Variants in FOXO3 observed in about 807,000 individuals in gnomAD.
FOXO3 encodes the protein forkhead box O3, also known as forkhead box protein O3.
FOXO3 carries 4 observed loss-of-function variants against 41.9 expected under a neutral mutation model. The ratio of observed to expected loss-of-function variants is 0.10; its 90% CI spans 0.05 to 0.22. The LOEUF (loss-of-function observed/expected upper bound fraction) is 0.22. FOXO3 is among the 10% of genes least tolerant of loss of function. The pLI, the probability that FOXO3 is intolerant of heterozygous loss-of-function variation, is 1.00. For synonymous variants in FOXO3, 318 were observed against 389.3 expected, an observed-to-expected ratio of 0.82 and a Z score of 2.16; for missense variants, 534 against 906.8, an observed-to-expected ratio of 0.59 and a Z score of 5.28.
intron 1 of FOXO3, among the ~76,000 whole-genome samples, chr6:108,662,690 A>G (rs868484826): frequency 1.3e-5 from 2 of 152,232 alleles, no homozygotes; most frequent in African/African-American, 2.4e-5. Flanking sequence ...GGAGGGGACC[A>G]TGAGAAAATA....
At chr6:108,587,948 C>A (rs998964036) in intron 1 of FOXO3, among the ~76,000 whole-genome samples, 1 of 152,236 alleles carries the variant, frequency 6.6e-6, no homozygotes, top group African/African-American at 2.4e-5. Flanking sequence ...AGGGCTCCCC[C>A]ATCCTCCCTC....
intron 1 of FOXO3, among the ~76,000 whole-genome samples, chr6:108,612,081 T>C (rs953054833): frequency 6.6e-6 from 1 of 152,222 alleles, no homozygotes; most frequent in African/African-American, 2.4e-5. Context: ...AATTTAGTTC[T>C]TTTTCAAAAT....
upstream of FOXO3, chr6:108,560,870 G>A (rs1015507365): frequency 1.2e-4 from 101 of 871,850 alleles, no homozygotes; most frequent in Middle Eastern, 3.9e-4. Context: ...TGCCCCGCGC[G>A]AGGCCGTCGA....
At chr6:108,666,130 C>A (rs1390627620) in intron 2 of FOXO3, among the ~76,000 whole-genome samples, 1 of 152,018 alleles carries the variant, frequency 6.6e-6, no homozygotes, top group Non-Finnish European at 1.5e-5. Context: ...GTCTCAACTT[C>A]CAGTTTTATA....
chr6:108,605,334 G>C (rs1425563781), intron 1 of FOXO3, among the ~76,000 whole-genome samples: 1 of 152,154 alleles, frequency 6.6e-6, no homozygotes, highest in African/African-American at 2.4e-5. Flanking sequence ...GGCCAGGCTG[G>C]TCTCGAACTC....
At chr6:108,580,515 C>T (rs573880120) in intron 1 of FOXO3, among the ~76,000 whole-genome samples, 1 of 152,268 alleles carries the variant, frequency 6.6e-6, no homozygotes, top group South Asian at 2.1e-4. Flanking sequence ...CATGAGGAAA[C>T]TGAGGTACGA....
intron 1 of FOXO3, among the ~76,000 whole-genome samples, chr6:108,655,963 A>G (rs959027676): frequency 4.6e-5 from 7 of 152,220 alleles, no homozygotes; most frequent in Non-Finnish European, 1.5e-5. Context: ...AAAGTGGGTG[A>G]GCACTGTATT....
chr6:108,667,325 G>A (rs192581726), intron 2 of FOXO3, among the ~76,000 whole-genome samples: 15 of 152,304 alleles, frequency 9.8e-5, no homozygotes, highest in Admixed American at 5.9e-4. Flanking sequence ...TTCCTTTAAG[G>A]AGAAGAATAT....
intron 1 of FOXO3, among the ~76,000 whole-genome samples, chr6:108,569,999 T>G (rs986453419): frequency 3.2e-5 from 4 of 126,314 alleles, no homozygotes; most frequent in Non-Finnish European, 5.0e-5. Flanking sequence ...TTTTTTTTTT[T>G]TTTTTTTTTT....
chr6:108,603,668 G>T (rs952271729), intron 1 of FOXO3, among the ~76,000 whole-genome samples: 1 of 152,096 alleles, frequency 6.6e-6, no homozygotes, highest in Non-Finnish European at 1.5e-5. Context: ...GATATAAAGA[G>T]GATAGGACTC....
intron 1 of FOXO3, among the ~76,000 whole-genome samples, chr6:108,582,314 G>A (rs1776443414): frequency 1.3e-5 from 2 of 152,172 alleles, no homozygotes; most frequent in Admixed American, 1.3e-4. Context: ...AGAAGTAAGA[G>A]TTCCCAGCCT....
At chr6:108,618,806 T>C (rs1020154023) in intron 1 of FOXO3, among the ~76,000 whole-genome samples, 2 of 152,182 alleles carry the variant, frequency 1.3e-5, no homozygotes, top group African/African-American at 4.8e-5. Flanking sequence ...ACCGACCCTT[T>C]TGTGCTGCTC....
chr6:108,606,385 C>T (rs950115086), intron 1 of FOXO3, among the ~76,000 whole-genome samples: 13 of 152,178 alleles, frequency 8.5e-5, no homozygotes, highest in African/African-American at 3.1e-4. Context: ...GCGGTGTTTT[C>T]TGCATAGTAA....
intron 2 of FOXO3, among the ~76,000 whole-genome samples, chr6:108,671,190 C>T (rs1446524215): frequency 6.6e-6 from 1 of 152,182 alleles, no homozygotes; most frequent in Non-Finnish European, 1.5e-5. Context: ...AAAACACAGA[C>T]CCTAAGACTT....
At chr6:108,650,829 CT>C (rs907345839) in intron 1 of FOXO3, among the ~76,000 whole-genome samples, 1 of 152,224 alleles carries the variant, frequency 6.6e-6, no homozygotes, top group Admixed American at 6.5e-5. Context: ...TTTATTTGAT[CT>C]TTTTTTGTGA....
intron 1 of FOXO3, among the ~76,000 whole-genome samples, chr6:108,653,364 C>G (rs1428005870): frequency 6.6e-6 from 1 of 152,148 alleles, no homozygotes; most frequent in Non-Finnish European, 1.5e-5. Flanking sequence ...TTTAAAGAGC[C>G]AGACTGCACC....
At chr6:108,617,167 G>C (rs1777538608) in intron 1 of FOXO3, among the ~76,000 whole-genome samples, 1 of 152,112 alleles carries the variant, frequency 6.6e-6, no homozygotes, top group African/African-American at 2.4e-5. Flanking sequence ...TGGGTCATGT[G>C]GTAACTCTCT....
chr6:108,571,924 A>G (rs1776114255), intron 1 of FOXO3, among the ~76,000 whole-genome samples: 1 of 152,244 alleles, frequency 6.6e-6, no homozygotes, highest in African/African-American at 2.4e-5. Flanking sequence ...ATAATCATTC[A>G]TAGGCTACTT....
chr6:108,623,267 CTT>C (rs1294783802), intron 1 of FOXO3, among the ~76,000 whole-genome samples: 2 of 152,268 alleles, frequency 1.3e-5, no homozygotes, highest in East Asian at 1.9e-4. Flanking sequence ...AAGTTGGCCT[CTT>C]TTCATGATTT....
Sources: gnomAD v4.1 joint callset for allele counts (sites outside exome capture counted in the v4.1 genomes callset) on GRCh38, gnomAD v4.1.1 for gene constraint, MANE v1.5 for transcripts, NCBI Gene and HGNC (gene_info 2026-07-23, HGNC 2026-07-21) for gene names.